Variants in AHNAK observed in about 807,000 individuals in gnomAD.
AHNAK encodes neuroblast differentiation-associated protein AHNAK.
Under a neutral mutation model 37.8 loss-of-function variants are expected in AHNAK, and 23 were observed. The ratio of observed to expected loss-of-function variants is 0.61; its 90% confidence interval spans 0.44 to 0.86. The LOEUF is 0.86. Ranked by LOEUF, AHNAK falls within the 40% of genes least tolerant of loss-of-function variation. The probability of loss-of-function intolerance (pLI) is 0.00; values close to 1 mark genes in which losing one functional copy is unlikely to be tolerated. For synonymous variants in AHNAK, 2,481 were observed against 2,636.3 expected (o/e 0.94, Z 1.80); for missense variants, 7,411 against 7,319.4 (o/e 1.01, Z -0.46).
At chr11:62,452,357 G>A (rs897530593) in intron 5 of AHNAK, among the ~76,000 whole-genome samples, 13 of 152,138 alleles carry the variant, frequency 8.5e-5, no homozygotes, top group Admixed American at 2.0e-4. Flanking sequence ...GATGCAGGCC[G>A]TCCCGCTCTG....
rs142422032 is a variant in AHNAK at position 62,530,398 on chromosome 11, T to A, written c.4019A>T (p.Asp1340Val). The change falls in exon 5 of 5, where the codon GAT becomes GTT. Residue 1340 changes from aspartate (D) to valine (V), a missense_variant. Transcript: ENST00000378024. ...TACCTCAGGCAAGGACACATCCACA[T>A]CTCCCTTCAATTTTGGCCCCTTAAG... is the stretch of plus-strand genomic sequence containing the variant. ...LNLKGPKLKG[D>V]VDVSLPEVEG... The A allele has an allele frequency of 1.1e-5, 18 of 1,614,058 alleles. No homozygotes were observed. Among genetic ancestry groups the A allele is most frequent in the Non-Finnish European group, 1.4e-5 (17 of 1,180,018 alleles).
chr11:62,521,984 C>A lies in AHNAK; in HGVS notation c.12433G>T (p.Gly4145Cys), dbSNP rs1040599413. 2 of 1,613,478 alleles carry A rather than the reference C, an allele frequency of 1.2e-6. No homozygotes were observed. The change falls in exon 5 of 5, where the codon GGC (glycine) becomes TGC (cysteine). Residue 4145 changes from glycine (G) to cysteine (C), a missense_variant. Physicochemically the swap from Gly to Cys is radical, Grantham distance 159. Transcript: ENST00000378024. ...DLNLKGPKMK[G>C]DVDVSLPKVE... ...TTGGGCAGAGAAACGTCCACGTCGC[C>A]CTTCATCTTTGGACCTTTCAGATTC...
At chr11:62,435,536 C>T (rs1425348718) in intron 5 of AHNAK, among the ~76,000 whole-genome samples, 1 of 108,050 alleles carries the variant, frequency 9.3e-6, no homozygotes, top group African/African-American at 2.7e-5. Context: ...CTCAGCCTCC[C>T]GAGTAGCTGG....
intron 5 of AHNAK, among the ~76,000 whole-genome samples, chr11:62,448,287 G>A (rs1938460667): frequency 6.6e-6 from 1 of 152,160 alleles, no homozygotes; most frequent in Non-Finnish European, 1.5e-5. Context: ...TCGGATATGA[G>A]GATTCACAAT....
intron 4 of AHNAK, among the ~76,000 whole-genome samples, chr11:62,504,214 G>GAGAA: frequency 6.6e-6 from 1 of 151,764 alleles, no homozygotes; most frequent in Non-Finnish European, 1.5e-5. Context: ...AAGAGAGAGA[G>GAGAA]AGAAAGAAAG....
chr11:62,474,028 C>T (rs569665172), intron 5 of AHNAK, among the ~76,000 whole-genome samples: 1 of 151,490 alleles, frequency 6.6e-6, no homozygotes, highest in East Asian at 1.9e-4. Context: ...AGTGAGGTGA[C>T]AGACATGTTA....
chr11:62,459,571 C>T (rs919761998), intron 5 of AHNAK, among the ~76,000 whole-genome samples: 1 of 152,140 alleles, frequency 6.6e-6, no homozygotes, highest in African/African-American at 2.4e-5. Flanking sequence ...ATGCCCCTCT[C>T]CTGACCTCCA....
At chr11:62,469,145 G>T (rs901172549) in intron 5 of AHNAK, among the ~76,000 whole-genome samples, 1 of 151,888 alleles carries the variant, frequency 6.6e-6, no homozygotes. Context: ...TTTTTGAGTC[G>T]GAGTCTTGTT....
intron 5 of AHNAK, among the ~76,000 whole-genome samples, chr11:62,440,220 G>A (rs1162927532): frequency 6.6e-6 from 1 of 152,150 alleles, no homozygotes; most frequent in African/African-American, 2.4e-5. Context: ...GCTCACAGGG[G>A]CCTTAGATAT....
intron 5 of AHNAK, among the ~76,000 whole-genome samples, chr11:62,482,527 T>C (rs1486119945): frequency 6.6e-6 from 1 of 152,208 alleles, no homozygotes; most frequent in African/African-American, 2.4e-5. Context: ...AATCCTTCTG[T>C]GCCTCAGATT....
intron 4 of AHNAK, among the ~76,000 whole-genome samples, chr11:62,497,580 G>A (rs190539013): frequency 4.6e-5 from 7 of 152,242 alleles, no homozygotes; most frequent in Non-Finnish European, 4.4e-5. Flanking sequence ...GCATCATTAC[G>A]ACATATCTGA....
intron 5 of AHNAK, among the ~76,000 whole-genome samples, chr11:62,477,768 C>CT (rs1939181471): frequency 1.3e-5 from 2 of 151,682 alleles, no homozygotes; most frequent in Non-Finnish European, 2.9e-5. Flanking sequence ...CGCCACTGCA[C>CT]TCCAGCCTAG....
In AHNAK at chr11:62,516,891, A is replaced by C. The variant is rs1331217316; in HGVS notation, c.17526T>G (p.Asp5842Glu). 1.9e-6 allele frequency: 3 copies of C among 1,614,128 alleles called. No individual in the cohort carries two copies. The highest frequency in any genetic ancestry group is 2.2e-5 in the South Asian group (2 of 91,082). The stretch of plus-strand genomic sequence containing the variant: ...TCCCCTGTAACTTGCCTGTCTCATC[A>C]TCGCTCCCAGTCACCTCATAATGAC... ...SKGHYEVTGS[D>E]DETGKLQGSG... is the part of the protein sequence containing the mutation. The change falls in exon 5 of 5, where the codon GAT (aspartate) becomes GAG (glutamate). Residue 5842 changes from aspartate (D) to glutamate (E), a missense_variant. Transcript: ENST00000378024.
Position 62,531,572 on chromosome 11 carries a change from G to A in AHNAK, c.2845C>T (p.Pro949Ser), listed in dbSNP as rs1565243755. 4 of 1,614,064 alleles carry A rather than the reference G, an allele frequency of 2.5e-6. No individual in the cohort carries two copies. Among genetic ancestry groups the A allele is most frequent in the Non-Finnish European group, 3.4e-6 (4 of 1,180,006 alleles). ...CCTTTCATATGCAAGTCCACATCAG[G>A]CATGGAGATCTTGGGGGCCTTGATA... ...MNIKAPKISMPDVDLHMKGPK... is the reference protein window; with the variant it reads ...MNIKAPKISMSDVDLHMKGPK... The change falls in exon 5 of 5, where the codon CCT becomes TCT. Residue 949 changes from proline to serine, a missense_variant. Transcript: ENST00000378024.
chr11:62,503,080 A>G (rs1003814785), intron 4 of AHNAK, among the ~76,000 whole-genome samples: 1 of 152,272 alleles, frequency 6.6e-6, no homozygotes, highest in African/African-American at 2.4e-5. Context: ...GTGAGAGTTC[A>G]GCAAATGCTC....
Position 62,519,555 on chromosome 11 carries a change from T to C in AHNAK, c.14862A>G (p.Leu4954=). The C allele has an allele frequency of 1.2e-6, 2 of 1,611,722 alleles. No individual in the cohort carries two copies. Among genetic ancestry groups the C allele is most frequent in the Non-Finnish European group, 1.7e-6 (2 of 1,178,944 alleles). Residue 4954 remains leucine, a synonymous_variant, in exon 5 of 5, where the codon TTA becomes TTG. Transcript: ENST00000378024. ...TATCTGGGCTGTCCATGTGTACATC[T>C]AAGCTTGGAGCTTCAACTTTGGGTC... ...LKGPKVEAPS[L]DVHMDSPDIN...
chr11:62,519,246 A>G lies in AHNAK; in HGVS notation c.15171T>C (p.Ala5057=). Reference sequence around the variant, plus strand: ...CTGCGATGTTGACATCTACATCCGGAGCCTTGAGGCTGGCATCAATTTCAC... The same window carrying G: ...CTGCGATGTTGACATCTACATCCGGGGCCTTGAGGCTGGCATCAATTTCAC... ...PGGEIDASLK[A]PDVDVNIAGP... is the part of the protein sequence containing the mutation. Residue 5057 remains alanine (A), a synonymous_variant, in exon 5 of 5, where the codon GCT becomes GCC. Coordinates refer to ENST00000378024, the MANE Select transcript of AHNAK (RefSeq NM_001620.3). The G allele has an allele frequency of 1.2e-6, 2 of 1,614,010 alleles. No individual in the cohort carries two copies. The highest frequency in any genetic ancestry group is 1.7e-6 in the Non-Finnish European group (2 of 1,179,986).
rs1169787822 is a variant in AHNAK, at chr11:62,525,532, T to G, written c.8885A>C (p.Lys2962Thr). The change falls in exon 5 of 5, where the codon AAG becomes ACG. Residue 2962 changes from lysine to threonine, a missense_variant. Physicochemically the swap from Lys to Thr is moderately conservative, Grantham distance 78 (BLOSUM62 -1). Coordinates refer to ENST00000378024, the MANE Select transcript of AHNAK (RefSeq NM_001620.3). ...CAAATCAAAGTCAGGCATGGGGATCTTGGGGGCTTTGATATTCATCTCTGG... is the reference window on the plus strand; with the variant it reads ...CAAATCAAAGTCAGGCATGGGGATCGTGGGGGCTTTGATATTCATCTCTGG... ...KMPEMNIKAP[K>T]IPMPDFDLHL... 6.2e-7 allele frequency: 1 copy of G among 1,613,938 alleles called. No individual in the cohort carries two copies. The highest frequency in any genetic ancestry group is 1.3e-5 in the African/African-American group (1 of 74,858).
intron 1 of AHNAK, chr11:62,545,668 C>T (rs897851808): frequency 6.5e-6 from 1 of 152,748 alleles, no homozygotes; most frequent in African/African-American, 2.4e-5. Flanking sequence ...GCAGCTTAGC[C>T]CTCCTCCCAC....
Sources: gnomAD v4.1 joint callset for allele counts (sites outside exome capture counted in the v4.1 genomes callset) on GRCh38, gnomAD v4.1.1 for gene constraint, MANE v1.5 for transcripts, NCBI Gene and HGNC (gene_info 2026-07-23, HGNC 2026-07-21) for gene names.